The following MACROD2 variants were observed in gnomAD, a reference collection of about 807,000 sequenced individuals.
MACROD2 encodes mono-ADP ribosylhydrolase 2, also known as ADP-ribose glycohydrolase MACROD2.
MACROD2 carries 36 observed loss-of-function variants against 70.4 expected under a neutral mutation model. The ratio of observed to expected loss-of-function variants is 0.51; its 90% CI spans 0.39 to 0.68. The LOEUF (loss-of-function observed/expected upper bound fraction) is 0.68. Among genes scored for constraint, MACROD2 ranks in the 30% least tolerant of loss-of-function variants. The pLI, the probability that MACROD2 is intolerant of heterozygous loss-of-function variation, is 0.00. For missense variants in MACROD2, 496 were observed against 538.4 expected (o/e 0.92, Z 0.78); for synonymous variants, 172 against 178.8 (o/e 0.96, Z 0.30).
chr20:14,099,580 T>G (rs1391885364), intron 3 of MACROD2, among the ~76,000 whole-genome samples: 2 of 152,194 alleles, frequency 1.3e-5, no homozygotes, highest in East Asian at 3.9e-4. Context: ...TATCTACTGT[T>G]GATGAGCGGC....
At chr20:14,562,434 C>T (rs1979497297) in intron 4 of MACROD2, among the ~76,000 whole-genome samples, 1 of 151,708 alleles carries the variant, frequency 6.6e-6, no homozygotes, top group Admixed American at 6.6e-5. Context: ...CTACCTACAA[C>T]CAAAAAGGTG....
intron 5 of MACROD2, among the ~76,000 whole-genome samples, chr20:14,862,245 A>G (rs1427136523): frequency 4.0e-5 from 2 of 50,262 alleles, no homozygotes; most frequent in Admixed American, 4.1e-4. Context: ...ATATATTTAT[A>G]TATTAATATA....
chr20:14,708,363 G>T (rs770144516), intron 5 of MACROD2, among the ~76,000 whole-genome samples: 3 of 152,094 alleles, frequency 2.0e-5, no homozygotes, highest in Non-Finnish European at 4.4e-5. Flanking sequence ...AGAAGCCAAA[G>T]GCAATGTAAA....
chr20:14,043,335 A>G lies in MACROD2; in HGVS notation c.163+40931A>G, dbSNP rs982184468. Reference sequence around the variant, plus strand: ...TGGCTTACAGAACACAGGGATACACATTTACCAGTTTATTATAAAGGACAT... The same window carrying G: ...TGGCTTACAGAACACAGGGATACACGTTTACCAGTTTATTATAAAGGACAT... On this transcript the variant is annotated intron_variant, in intron 2 of 17. Transcript: ENST00000684519. Among the ~76,000 whole-genome samples the G allele has an allele frequency of 3.9e-5, 6 of 152,204 alleles. No individual in the cohort carries two copies. The East Asian group carries it at 1.2e-3, about 29-fold the overall frequency.
chr20:15,081,565 C>T (rs1352171862), intron 5 of MACROD2, among the ~76,000 whole-genome samples: 1 of 152,134 alleles, frequency 6.6e-6, no homozygotes, highest in East Asian at 1.9e-4. Context: ...TGGGTCCATG[C>T]CCATCTCTAA....
intron 3 of MACROD2, among the ~76,000 whole-genome samples, chr20:14,255,419 C>G (rs1287008009): frequency 2.6e-5 from 4 of 151,230 alleles, no homozygotes; most frequent in African/African-American, 9.7e-5. Flanking sequence ...TCATTCTCAG[C>G]AAACTATCGC....
In MACROD2 at chr20:15,895,662, G is replaced by C. The variant is rs1371672334; in HGVS notation, c.775+9851G>C. ...CCTGGTGGCGGCAGCCTGGGCAGGA[G>C]GACCACAGCCGCTTATAAAAAACAT... On this transcript the variant is annotated intron_variant, in intron 10 of 17. Coordinates refer to ENST00000684519, the MANE Select transcript of MACROD2 (RefSeq NM_001351661.2). 5.9e-5 allele frequency among the ~76,000 whole-genome samples: 9 copies of C among 152,186 alleles called. 1 individual carries two copies. The highest frequency in any genetic ancestry group is 2.2e-4 in the African/African-American group (9 of 41,430).
intron 6 of MACROD2, among the ~76,000 whole-genome samples, chr20:15,412,954 A>G (rs895147609): frequency 6.6e-6 from 1 of 152,232 alleles, no homozygotes; most frequent in Non-Finnish European, 1.5e-5. Context: ...CATTGCTAAT[A>G]ATTTTCCAAA....
intron 5 of MACROD2, among the ~76,000 whole-genome samples, chr20:14,708,036 C>T (rs1209201004): frequency 1.3e-5 from 2 of 152,136 alleles, no homozygotes; most frequent in Non-Finnish European, 2.9e-5. Context: ...ACTCTGAGCT[C>T]TTTGTTTCAG....
At chr20:14,724,684 A>G (rs1293832394) in intron 5 of MACROD2, among the ~76,000 whole-genome samples, 1 of 152,202 alleles carries the variant, frequency 6.6e-6, no homozygotes, top group Non-Finnish European at 1.5e-5. Flanking sequence ...TGAGTTTGCT[A>G]TATTCGAGTA....
chr20:14,427,267 A>G (rs1442448444), intron 3 of MACROD2, among the ~76,000 whole-genome samples: 1 of 151,954 alleles, frequency 6.6e-6, no homozygotes, highest in Non-Finnish European at 1.5e-5. Flanking sequence ...CTCTGTGTTG[A>G]TAAATCTAGC....
chr20:14,825,855 A>G (rs537347843), intron 5 of MACROD2, among the ~76,000 whole-genome samples: 16 of 152,290 alleles, frequency 1.1e-4, no homozygotes, highest in African/African-American at 3.8e-4. Flanking sequence ...ATTATGGATT[A>G]TAGGTTTTCG....
chr20:15,686,348 C>G (rs148039247), intron 8 of MACROD2, among the ~76,000 whole-genome samples: 140 of 152,218 alleles, frequency 9.2e-4, no homozygotes, highest in African/African-American at 3.2e-3. Flanking sequence ...CACAAAAACA[C>G]TTGGAGAGTT....
intron 2 of MACROD2, among the ~76,000 whole-genome samples, chr20:14,020,358 A>C (rs762440283): frequency 5.9e-5 from 9 of 152,282 alleles, no homozygotes; most frequent in Middle Eastern, 3.4e-3. Flanking sequence ...CTGTAATCCC[A>C]GCTACTCGAG....
intron 5 of MACROD2, among the ~76,000 whole-genome samples, chr20:14,923,513 T>G (rs1443213856): frequency 6.6e-6 from 1 of 152,068 alleles, no homozygotes; most frequent in East Asian, 1.9e-4. Context: ...TCACAGCAAC[T>G]CTATTCTTCC....
intron 17 of MACROD2, among the ~76,000 whole-genome samples, chr20:16,049,581 C>T (rs747192995): frequency 1.3e-5 from 2 of 152,066 alleles, no homozygotes; most frequent in East Asian, 1.9e-4. Context: ...GTTAATCGTC[C>T]CCATCAGCCA....
chr20:15,077,320 G>A (rs1490873105), intron 5 of MACROD2, among the ~76,000 whole-genome samples: 1 of 152,104 alleles, frequency 6.6e-6, no homozygotes, highest in African/African-American at 2.4e-5. Context: ...CACAGGTAAA[G>A]GGTCTTATGT....
At chr20:16,034,419 A>G (rs2067195422) in intron 15 of MACROD2, among the ~76,000 whole-genome samples, 1 of 152,012 alleles carries the variant, frequency 6.6e-6, no homozygotes, top group Non-Finnish European at 1.5e-5. Flanking sequence ...AGTCTAGGGG[A>G]AAATGAAATC....
At chr20:15,115,043 A>T (rs1671144054) in intron 5 of MACROD2, among the ~76,000 whole-genome samples, 1 of 152,076 alleles carries the variant, frequency 6.6e-6, no homozygotes, top group African/African-American at 2.4e-5. Context: ...GCCAATTCCT[A>T]TTCCCTAACT....
Sources: gnomAD v4.1 joint callset for allele counts (sites outside exome capture counted in the v4.1 genomes callset) on GRCh38, gnomAD v4.1.1 for gene constraint, MANE v1.5 for transcripts, NCBI Gene and HGNC (gene_info 2026-07-23, HGNC 2026-07-21) for gene names.